HDGFL3: variants seen among roughly 807,000 people sequenced by gnomAD.
HDGFL3 encodes the protein HDGF like 3, also known as hepatoma-derived growth factor-related protein 3.
HDGFL3 carries 6 observed loss-of-function variants against 27.6 expected under a neutral mutation model. The observed-to-expected ratio is 0.22, with a 90% CI of 0.12 to 0.43. The LOEUF (loss-of-function observed/expected upper bound fraction) is 0.43, where lower values mean the gene tolerates loss of function less well. HDGFL3 is among the 20% of genes least tolerant of loss of function. HDGFL3 has a pLI of 1.00. For missense variants in HDGFL3, 207 were observed against 250.1 expected (o/e 0.83, Z 1.16); for synonymous variants, 88 against 88.9 (o/e 0.99, Z 0.05).
chr15:83,139,164 G>T lies in HDGFL3; in HGVS notation c.*106C>A. The T allele has an allele frequency of 1.5e-6, 1 of 656,078 alleles. No homozygotes were observed. Among genetic ancestry groups the T allele is most frequent in the Non-Finnish European group, 2.3e-6 (1 of 425,554 alleles). The allele number at this position is 656,078 out of a possible 1,614,324, so 40.6% of individuals were successfully genotyped here. A position where few individuals can be genotyped will look rare whatever the true frequency, so the allele number is the denominator to read the frequency against. On this transcript the variant is annotated 3_prime_UTR_variant, in exon 6 of 6. Coordinates refer to ENST00000299633, the MANE Select transcript of HDGFL3 (RefSeq NM_016073.4). ...ACATACAAACTGGGGTTCTGTCAATGACAACAAGGACTATGTGTTGGTTCA... is the reference window on the plus strand; with the variant it reads ...ACATACAAACTGGGGTTCTGTCAATTACAACAAGGACTATGTGTTGGTTCA...
At chr15:83,121,361 C>T (rs1399937410) in intron 3 of HDGFL3, among the ~76,000 whole-genome samples, 1 of 151,994 alleles carries the variant, frequency 6.6e-6, no homozygotes, top group Non-Finnish European at 1.5e-5. Flanking sequence ...GGATTACAGG[C>T]ATGAGCCACC....
At position 83,118,230 on chromosome 15, in the gene HDGFL3, TACACACACACAC is replaced by T. The variant is rs72160704; in HGVS notation, c.394-2501_394-2490del. Among the ~76,000 whole-genome samples the T allele has an allele frequency of 1.7e-3, 246 of 146,346 alleles. 3 individuals carry two copies. In the South Asian group the frequency reaches 0.028, roughly 17 times the overall value. On this transcript the variant is annotated intron_variant, in intron 3 of 3. Coordinates refer to the HDGFL3 transcript ENST00000568294. Reference sequence around the variant, plus strand: ...CAGAGTGAGACCCTGTCTCTGTACGTACACACACACACACACACACACACACACACACACATA... The same window carrying T: ...CAGAGTGAGACCCTGTCTCTGTACGTACACACACACACACACACACACATA...
chr15:83,166,029 T>C (rs963852205), intron 1 of HDGFL3, among the ~76,000 whole-genome samples: 7 of 152,022 alleles, frequency 4.6e-5, no homozygotes, highest in African/African-American at 1.7e-4. Flanking sequence ...GAAAATATAT[T>C]TGAGGAAATA....
At chr15:83,143,121 T>C (rs2036814146) in intron 5 of HDGFL3, among the ~76,000 whole-genome samples, 1 of 152,044 alleles carries the variant, frequency 6.6e-6, no homozygotes, top group African/African-American at 2.4e-5. Flanking sequence ...GTTTAATCAA[T>C]TCTGCCTCAG....
intron 3 of HDGFL3, among the ~76,000 whole-genome samples, chr15:83,117,506 G>C (rs148979817): frequency 3.7e-4 from 57 of 152,324 alleles, no homozygotes; most frequent in African/African-American, 1.2e-3. Context: ...TGGACCATGG[G>C]GGGCAGGCCA....
intron 4 of HDGFL3, among the ~76,000 whole-genome samples, chr15:83,156,144 A>AG (rs2037026408): frequency 1.3e-5 from 2 of 152,268 alleles, no homozygotes; most frequent in African/African-American, 4.8e-5. Flanking sequence ...TTCTTTCAAT[A>AG]CAGGAAAAAC....
intron 1 of HDGFL3, among the ~76,000 whole-genome samples, chr15:83,192,779 A>G (rs1367624520): frequency 2.0e-5 from 3 of 152,218 alleles, no homozygotes; most frequent in Non-Finnish European, 4.4e-5. Flanking sequence ...AGCACAACCA[A>G]TCCATCTTGA....
chr15:83,180,873 G>C (rs540901341), intron 1 of HDGFL3: 5 of 152,082 alleles, frequency 3.3e-5, no homozygotes, highest in African/African-American at 1.2e-4. Context: ...CTGACCTCAA[G>C]TGATCCACCC....
At chr15:83,144,661 T>A (rs973438508) in intron 5 of HDGFL3, 8 of 388,804 alleles carry the variant, frequency 2.1e-5, no homozygotes, top group African/African-American at 6.3e-5. Context: ...AGGAACAATT[T>A]GAGTGATCTT....
intron 3 of HDGFL3, chr15:83,122,748 T>C: frequency 6.2e-7 from 1 of 1,612,212 alleles, no homozygotes; most frequent in Non-Finnish European, 8.5e-7. Context: ...CTTTCTCTCT[T>C]TTAAATAGGG....
chr15:83,193,351 A>G (rs1256500215), intron 1 of HDGFL3, among the ~76,000 whole-genome samples: 1 of 152,212 alleles, frequency 6.6e-6, no homozygotes, highest in Non-Finnish European at 1.5e-5. Flanking sequence ...ATTACTGCTC[A>G]TTAAGGAAGT....
chr15:83,192,627 G>T (rs2037525349), intron 1 of HDGFL3, among the ~76,000 whole-genome samples: 1 of 152,204 alleles, frequency 6.6e-6, no homozygotes, highest in Non-Finnish European at 1.5e-5. Flanking sequence ...AATTTTTTCA[G>T]AAATAATCTC....
intron 1 of HDGFL3, among the ~76,000 whole-genome samples, chr15:83,165,794 CAAAAAAAAAAAAAAAA>C (rs57873221): frequency 7.2e-5 from 1 of 13,842 alleles, no homozygotes; most frequent in Non-Finnish European, 1.8e-4. Context: ...GAATCCATCT[CAAAAAAAAAAAAAAAA>C]AAAAAAAAAA....
chr15:83,117,403 A>AG (rs1220762547), intron 3 of HDGFL3, among the ~76,000 whole-genome samples: 1 of 152,056 alleles, frequency 6.6e-6, no homozygotes, highest in Non-Finnish European at 1.5e-5. Flanking sequence ...AATGTCTGAG[A>AG]GGAGAAGGGC....
chr15:83,117,913 C>A (rs2034823429), intron 3 of HDGFL3, among the ~76,000 whole-genome samples: 1 of 151,986 alleles, frequency 6.6e-6, no homozygotes, highest in South Asian at 2.1e-4. Context: ...ACACTGAGGG[C>A]TAGACCTAAT....
intron 1 of HDGFL3, among the ~76,000 whole-genome samples, chr15:83,198,054 C>CAAA (rs766372255): frequency 1.2e-4 from 7 of 57,588 alleles, no homozygotes; most frequent in East Asian, 5.7e-4. Flanking sequence ...GACTCCGTCT[C>CAAA]AAAAAAAAAA....
intron 1 of HDGFL3, among the ~76,000 whole-genome samples, chr15:83,194,559 A>G (rs2037547898): frequency 6.6e-6 from 1 of 152,214 alleles, no homozygotes; most frequent in Admixed American, 6.5e-5. Context: ...ATTACATTCT[A>G]TGTATTTTTA....
intron 1 of HDGFL3, among the ~76,000 whole-genome samples, chr15:83,173,989 G>A (rs915019089): frequency 1.3e-5 from 2 of 152,180 alleles, no homozygotes; most frequent in Admixed American, 1.3e-4. Context: ...CTGTCACAGA[G>A]CAAAGATGCT....
chr15:83,203,383 T>C (rs1413922810), intron 1 of HDGFL3, among the ~76,000 whole-genome samples: 1 of 152,086 alleles, frequency 6.6e-6, no homozygotes, highest in Non-Finnish European at 1.5e-5. Flanking sequence ...GATGGTTATG[T>C]TTATTCACGT....
Sources: gnomAD v4.1 joint callset for allele counts (sites outside exome capture counted in the v4.1 genomes callset) on GRCh38, gnomAD v4.1.1 for gene constraint, MANE v1.5 for transcripts, NCBI Gene and HGNC (gene_info 2026-07-23, HGNC 2026-07-21) for gene names.